The following TLK2 variants were observed in gnomAD, a reference collection of about 807,000 sequenced individuals.
TLK2 encodes tousled like kinase 2.
TLK2 carries 6 observed loss-of-function variants against 117.3 expected under a neutral mutation model. That is an observed-to-expected ratio of 0.05 (90% CI 0.03 to 0.10). The LOEUF (loss-of-function observed/expected upper bound fraction) is 0.10. TLK2 is among the 10% of genes least tolerant of loss of function. The pLI, the probability that TLK2 is intolerant of heterozygous loss-of-function variation, is 1.00. For missense variants in TLK2, 299 were observed against 901.2 expected, an observed-to-expected ratio of 0.33 and a Z score of 8.56; for synonymous variants, 257 against 316.7, an observed-to-expected ratio of 0.81 and a Z score of 2.00.
chr17:62,530,885 C>A (rs927476563), intron 6 of TLK2, among the ~76,000 whole-genome samples: 4 of 151,984 alleles, frequency 2.6e-5, no homozygotes, highest in Admixed American at 1.3e-4. Flanking sequence ...TTTTTAGGTT[C>A]GCTTTCTTTT....
At chr17:62,596,216 C>T (rs1488476068) in intron 16 of TLK2, among the ~76,000 whole-genome samples, 1 of 152,176 alleles carries the variant, frequency 6.6e-6, no homozygotes, top group Non-Finnish European at 1.5e-5. Flanking sequence ...GCTGGGACCA[C>T]AGGTGCGCAC....
At chr17:62,473,534 G>A (rs2070981197) in intron 1 of TLK2, among the ~76,000 whole-genome samples, 1 of 152,184 alleles carries the variant, frequency 6.6e-6, no homozygotes, top group African/African-American at 2.4e-5. Context: ...TCATCAACCA[G>A]CCTCACCTGG....
chr17:62,544,896 A>G (rs1355499712), intron 7 of TLK2, among the ~76,000 whole-genome samples: 3 of 152,206 alleles, frequency 2.0e-5, no homozygotes, highest in South Asian at 4.1e-4. Flanking sequence ...AACTTGCAAT[A>G]TATAGTCCTA....
chr17:62,577,014 G>C (rs2080852428), intron 13 of TLK2, among the ~76,000 whole-genome samples: 1 of 129,678 alleles, frequency 7.7e-6, no homozygotes, highest in Admixed American at 9.6e-5. Flanking sequence ...CCAGGCTGGA[G>C]TGCAGTGGCA....
chr17:62,505,933 T>A (rs2074650064), intron 2 of TLK2, among the ~76,000 whole-genome samples: 1 of 152,206 alleles, frequency 6.6e-6, no homozygotes, highest in Admixed American at 6.5e-5. Context: ...GCTCAAGTGA[T>A]CCTCCTGCCT....
chr17:62,548,238 A>ATGTGTGTG (rs141908103), intron 7 of TLK2, among the ~76,000 whole-genome samples: 8,927 of 111,370 alleles, frequency 0.08, 422 homozygotes, highest in Admixed American at 0.15. Flanking sequence ...ATATATATAT[A>ATGTGTGTG]TATGTGTGTG....
chr17:62,516,221 G>A (rs1416109132), intron 2 of TLK2: 31 of 721,102 alleles, frequency 4.3e-5, no homozygotes, highest in Non-Finnish European at 6.4e-5. Context: ...CACCGCGCCC[G>A]GCTCTCCCTG....
chr17:62,533,679 G>T (rs1382172896), intron 6 of TLK2, among the ~76,000 whole-genome samples: 1 of 151,802 alleles, frequency 6.6e-6, no homozygotes, highest in African/African-American at 2.4e-5. Flanking sequence ...GTTTTGCCAC[G>T]TTGGCCAGGC....
chr17:62,471,448 G>A (rs1222210367), intron 1 of TLK2, among the ~76,000 whole-genome samples: 2 of 152,078 alleles, frequency 1.3e-5, no homozygotes, highest in Admixed American at 6.6e-5. Flanking sequence ...TCTAATTAAG[G>A]CAAAAAGGCA....
rs576406617 is a variant in TLK2 at position 62,554,896 on chromosome 17, A to G, written c.720+1141A>G. Among the ~76,000 whole-genome samples the G allele has an allele frequency of 5.5e-3, 834 of 151,804 alleles. 7 individuals are homozygous for G. Among genetic ancestry groups the G allele is most frequent in the African/African-American group, 0.019 (793 of 41,368 alleles). On this transcript the variant is annotated intron_variant, in intron 9 of 21. Transcript: ENST00000346027. ...TGCCTCAAAAAAAAAAAAAAATTAT[A>G]CATGCTCTTTACAAAATACAGAAAA...
rs142630727 is a variant in TLK2, at chr17:62,522,227, C to T, written c.177C>T (p.Asp59=). ...EVETPEKKQN[D]QRNRKRKAEP... ...AGACTCCCGAGAAAAAGCAGAATGA[C>T]CAGCGAAATCGGAAAAGAAAAGCTG... Residue 59 remains aspartate, a synonymous_variant, in exon 4 of 22, where the codon GAC becomes GAT. Coordinates refer to ENST00000346027, the MANE Select transcript of TLK2 (RefSeq NM_006852.6). The T allele has an allele frequency of 1.9e-6, 3 of 1,613,100 alleles. No individual in the cohort carries two copies. The South Asian group carries it at 3.3e-5, about 18-fold the overall frequency.
At chr17:62,508,168 G>GTTTTTTTTTTT (rs34268998) in intron 2 of TLK2, among the ~76,000 whole-genome samples, 2 of 125,750 alleles carry the variant, frequency 1.6e-5, no homozygotes, top group Admixed American at 8.6e-5. Context: ...AAATTTCCTA[G>GTTTTTTTTTTT]TTTTTTTTTT....
chr17:62,564,075 G>A (rs1187448167), intron 10 of TLK2, among the ~76,000 whole-genome samples: 1 of 152,190 alleles, frequency 6.6e-6, no homozygotes, highest in East Asian at 1.9e-4. Context: ...CATTGATGTG[G>A]CCCAAATGTG....
At position 62,544,527 on chromosome 17, in the gene TLK2, TTCAACA is replaced by T. The variant is rs1438314684; in HGVS notation, c.532-7773_532-7768del. 2.0e-5 allele frequency among the ~76,000 whole-genome samples: 3 copies of T among 152,146 alleles called. No individual in the cohort carries two copies. In the East Asian group the frequency reaches 5.8e-4, roughly 29 times the overall value. On this transcript the variant is annotated intron_variant, in intron 7 of 21. Transcript: ENST00000346027. ...TTCCCCTGACATATGAGGAGTACAA[TTCAACA>T]TGAGATTTGGGTGGGGACACAGAAA...
At chr17:62,571,165 T>C (rs552305646) in intron 11 of TLK2, among the ~76,000 whole-genome samples, 1 of 152,330 alleles carries the variant, frequency 6.6e-6, no homozygotes, top group Admixed American at 6.5e-5. Flanking sequence ...CCATGAATTA[T>C]ATATATAGTT....
At chr17:62,523,777 G>T (rs1413422880) in intron 5 of TLK2, among the ~76,000 whole-genome samples, 1 of 152,098 alleles carries the variant, frequency 6.6e-6, no homozygotes, top group African/African-American at 2.4e-5. Flanking sequence ...TTGGCCAGAC[G>T]AGGTTTTGTG....
rs188677173 is a variant in TLK2 at position 62,501,608 on chromosome 17, A to G, written c.82-19165A>G. Among the ~76,000 whole-genome samples the G allele has an allele frequency of 2.9e-3, 435 of 152,022 alleles. 3 individuals are homozygous for G. Among genetic ancestry groups the G allele is most frequent in the Non-Finnish European group, 4.4e-3 (299 of 67,982 alleles). Reference sequence around the variant, plus strand: ...ACTGGAAGAAAAAACAAATTAAAAAAAAAAGAAAGAATGAGAATCTGAATA... The same window carrying G: ...ACTGGAAGAAAAAACAAATTAAAAAGAAAAGAAAGAATGAGAATCTGAATA... On this transcript the variant is annotated intron_variant, in intron 2 of 21. Coordinates refer to ENST00000346027, the MANE Select transcript of TLK2 (RefSeq NM_006852.6).
chr17:62,549,411 A>AAAAAAAAAAAAAAAAAAAAAAG, intron 7 of TLK2, among the ~76,000 whole-genome samples: 1 of 22,748 alleles, frequency 4.4e-5, no homozygotes, highest in Non-Finnish European at 1.2e-4. Context: ...AAAAAAAAAA[A>AAAAAAAAAAAAAAAAAAAAAAG]AAAAAAAAAA....
intron 6 of TLK2, among the ~76,000 whole-genome samples, chr17:62,534,121 C>T (rs1182864969): frequency 6.6e-6 from 1 of 151,950 alleles, no homozygotes; most frequent in Admixed American, 6.6e-5. Context: ...GTCAAGTTTC[C>T]CTGATACTTT....
Sources: allele counts gnomAD v4.1 joint callset (sites outside exome capture counted in the v4.1 genomes callset), GRCh38; gene constraint gnomAD v4.1.1; transcripts MANE v1.5; gene names NCBI Gene and HGNC (gene_info 2026-07-23, HGNC 2026-07-21).